TMEM108: variants seen among roughly 807,000 people sequenced by gnomAD.
The protein encoded by TMEM108 is cancer/testis antigen 124.
Under a neutral mutation model 35.1 loss-of-function variants are expected in TMEM108, and 12 were observed. The ratio of observed to expected loss-of-function variants is 0.34; its 90% CI spans 0.22 to 0.55. TMEM108 has a LOEUF of 0.55. TMEM108 is among the 20% of genes least tolerant of loss of function. The pLI is 0.89. For synonymous variants in TMEM108, 287 were observed against 308.6 expected, an observed-to-expected ratio of 0.93 and a Z score of 0.73; for missense variants, 680 against 753.3, an observed-to-expected ratio of 0.90 and a Z score of 1.14.
intron 2 of TMEM108, among the ~76,000 whole-genome samples, chr3:133,227,552 A>G (rs1385692367): frequency 6.6e-6 from 1 of 151,882 alleles, no homozygotes; most frequent in Admixed American, 6.6e-5. Context: ...TTCTTATTAA[A>G]AAAAACACTT....
chr3:133,141,963 A>G (rs1312781260), intron 2 of TMEM108, among the ~76,000 whole-genome samples: 2 of 152,112 alleles, frequency 1.3e-5, no homozygotes, highest in Middle Eastern at 3.2e-3. Context: ...TGGACCAGAC[A>G]ATTCTTTGTT....
In TMEM108 at chr3:133,271,948, A is replaced by G. The variant is rs147314199; in HGVS notation, c.40+42597A>G. On this transcript the variant is annotated intron_variant, in intron 3 of 5. Coordinates refer to ENST00000321871, the MANE Select transcript of TMEM108 (RefSeq NM_023943.4). ...ACCTCATGTACTTGATACAGAGGTA[A>G]ATAGATTAGCAAATAACAGCTATTG... Among the ~76,000 whole-genome samples the G allele has an allele frequency of 7.7e-3, 1,171 of 152,326 alleles. 9 individuals carry two copies. Among genetic ancestry groups the G allele is most frequent in the Non-Finnish European group, 0.014 (934 of 68,018 alleles).
chr3:133,141,239 C>G (rs560099090), intron 2 of TMEM108, among the ~76,000 whole-genome samples: 1 of 152,144 alleles, frequency 6.6e-6, no homozygotes, highest in Admixed American at 6.5e-5. Context: ...TGAAGCAGGC[C>G]CACAGCTGAT....
intron 2 of TMEM108, among the ~76,000 whole-genome samples, chr3:133,132,704 T>G (rs1944507106): frequency 6.6e-6 from 1 of 152,174 alleles, no homozygotes; most frequent in Non-Finnish European, 1.5e-5. Context: ...ATTTAAGAAA[T>G]TCATTTCATA....
chr3:133,124,071 A>T (rs902727694), intron 2 of TMEM108, among the ~76,000 whole-genome samples: 4 of 152,204 alleles, frequency 2.6e-5, no homozygotes, highest in African/African-American at 9.7e-5. Context: ...TCATTGTTCA[A>T]GCTTCTCCAC....
chr3:133,313,954 A>G (rs1264717634), intron 3 of TMEM108, among the ~76,000 whole-genome samples: 1 of 152,148 alleles, frequency 6.6e-6, no homozygotes, highest in Non-Finnish European at 1.5e-5. Context: ...TTAGAATTAG[A>G]GAAAGCTGCT....
intron 3 of TMEM108, among the ~76,000 whole-genome samples, chr3:133,289,906 C>T (rs1475460778): frequency 6.6e-6 from 1 of 152,104 alleles, no homozygotes; most frequent in Non-Finnish European, 1.5e-5. Flanking sequence ...TAAGCTGGCT[C>T]ACCCCCCTCA....
At chr3:133,142,895 GA>G (rs1228941827) in intron 2 of TMEM108, among the ~76,000 whole-genome samples, 1 of 152,136 alleles carries the variant, frequency 6.6e-6, no homozygotes, top group Non-Finnish European at 1.5e-5. Context: ...TCAGTTTTCA[GA>G]ATGAGGAAAC....
intron 3 of TMEM108, among the ~76,000 whole-genome samples, chr3:133,337,871 A>C (rs2071543166): frequency 6.6e-6 from 1 of 152,202 alleles, no homozygotes; most frequent in South Asian, 2.1e-4. Flanking sequence ...ATAATTAAAA[A>C]CAATCAAGCA....
intron 3 of TMEM108, among the ~76,000 whole-genome samples, chr3:133,349,165 T>C (rs78411272): frequency 0.013 from 1,942 of 151,766 alleles, 44 homozygotes; most frequent in African/African-American, 0.043. Flanking sequence ...AATACAAATA[T>C]AATACTATTT....
chr3:133,113,500 C>T (rs1429781737), intron 2 of TMEM108, among the ~76,000 whole-genome samples: 1 of 152,092 alleles, frequency 6.6e-6, no homozygotes, highest in East Asian at 1.9e-4. Context: ...GAGAATGACT[C>T]TTTTATGCAT....
intron 2 of TMEM108, among the ~76,000 whole-genome samples, chr3:133,194,759 C>T (rs901663954): frequency 6.6e-6 from 1 of 152,152 alleles, no homozygotes; most frequent in African/African-American, 2.4e-5. Context: ...GTTTTAAATG[C>T]AATCTCATGA....
intron 3 of TMEM108, among the ~76,000 whole-genome samples, chr3:133,251,449 C>A (rs940333602): frequency 6.6e-6 from 1 of 152,128 alleles, no homozygotes; most frequent in African/African-American, 2.4e-5. Context: ...TATAGGCCAT[C>A]TGCTATAACA....
intron 2 of TMEM108, among the ~76,000 whole-genome samples, chr3:133,106,964 G>T (rs972395271): frequency 6.6e-6 from 1 of 152,188 alleles, no homozygotes; most frequent in Non-Finnish European, 1.5e-5. Context: ...TTGTTTCACA[G>T]TAATAGATAG....
chr3:133,296,956 G>A (rs551950447), intron 3 of TMEM108, among the ~76,000 whole-genome samples: 9 of 152,136 alleles, frequency 5.9e-5, no homozygotes, highest in Non-Finnish European at 1.3e-4. Context: ...TTAATGGTTG[G>A]GGGGATGGTG....
chr3:133,074,404 G>C (rs772168256), intron 2 of TMEM108: 1 of 152,136 alleles, frequency 6.6e-6, no homozygotes, highest in Non-Finnish European at 1.5e-5. Flanking sequence ...CTAATTTACT[G>C]AACGTCATAG....
intron 2 of TMEM108, among the ~76,000 whole-genome samples, chr3:133,177,430 A>G (rs1266169124): frequency 6.6e-6 from 1 of 152,246 alleles, no homozygotes; most frequent in Non-Finnish European, 1.5e-5. Context: ...AAATACTGGC[A>G]AACCAAATCC....
rs1005570521 is a variant in TMEM108 at position 133,397,071 on chromosome 3, C to T, written c.*1085C>T. On this transcript the variant is annotated 3_prime_UTR_variant, in exon 6 of 6. Transcript: ENST00000321871. ...CAGCCGGTGGACTTGCCATCCAGCT[C>T]TCAGCTTCCACTGCTCCCCTTGTTC... 6.6e-6 allele frequency: 1 copy of T among 152,234 alleles called. No individual in the cohort carries two copies. The highest frequency in any genetic ancestry group is 1.5e-5 in the Non-Finnish European group (1 of 68,048). 9.4% of individuals were successfully genotyped at this position (152,234 alleles called of 1,614,324 possible).
chr3:133,111,078 A>G (rs986942050), intron 2 of TMEM108, among the ~76,000 whole-genome samples: 5 of 152,140 alleles, frequency 3.3e-5, no homozygotes, highest in Non-Finnish European at 7.3e-5. Context: ...GTGTGCTCAT[A>G]TCCTGTCTTT....
Sources: gnomAD v4.1 joint callset for allele counts (sites outside exome capture counted in the v4.1 genomes callset) on GRCh38, gnomAD v4.1.1 for gene constraint, MANE v1.5 for transcripts, NCBI Gene and HGNC (gene_info 2026-07-23, HGNC 2026-07-21) for gene names.